The following GLYCTK variants were observed in gnomAD, a reference collection of about 807,000 sequenced individuals.
GLYCTK encodes the protein HBeAg binding protein 4.
A neutral mutation model predicts 24.8 loss-of-function variants in GLYCTK; 22 were observed. The ratio of observed to expected loss-of-function variants is 0.89; its 90% CI spans 0.63 to 1.27. The LOEUF (loss-of-function observed/expected upper bound fraction) is 1.27, where lower values mean the gene tolerates loss of function less well. GLYCTK is among the 50% of genes most tolerant of loss of function. The probability of loss-of-function intolerance (pLI) is 0.00; values close to 1 mark genes in which losing one functional copy is unlikely to be tolerated. For missense variants in GLYCTK, 684 were observed against 686.7 expected (o/e 1.00, Z 0.04); for synonymous variants, 320 against 297.2 (o/e 1.08, Z -0.79).
At position 52,293,305 on chromosome 3, in the gene GLYCTK, A is replaced by G; in HGVS notation, c.*179A>G. 3 of 738,758 alleles carry G rather than the reference A, an allele frequency of 4.1e-6. No homozygotes were observed. Among genetic ancestry groups the G allele is most frequent in the Non-Finnish European group, 7.2e-6 (3 of 419,190 alleles). 45.8% of individuals were successfully genotyped at this position (738,758 alleles called of 1,614,324 possible). A position where few individuals can be genotyped will look rare whatever the true frequency, so the allele number is the denominator to read the frequency against. ...CTCTGCTCTATATCTATTCCCTTCCAGCCAGACTGGCAGATGGGGGCTTCC... is the reference window on the plus strand; with the variant it reads ...CTCTGCTCTATATCTATTCCCTTCCGGCCAGACTGGCAGATGGGGGCTTCC... On this transcript the variant is annotated 3_prime_UTR_variant, in exon 5 of 5. Transcript: ENST00000436784.
At position 52,293,289 on chromosome 3, in the gene GLYCTK, A is replaced by C; in HGVS notation, c.*163A>C. 1.3e-6 allele frequency: 1 copy of C among 758,102 alleles called. No individual in the cohort carries two copies. The highest frequency in any genetic ancestry group is 2.3e-6 in the Non-Finnish European group (1 of 436,534). The allele number at this position is 758,102 out of a possible 1,614,324, so 47.0% of individuals were successfully genotyped here. A position where few individuals can be genotyped will look rare whatever the true frequency, so the allele number is the denominator to read the frequency against. ...ACCTTCCACTCAGGGCCTCTGCTCT[A>C]TATCTATTCCCTTCCAGCCAGACTG... On this transcript the variant is annotated 3_prime_UTR_variant, in exon 5 of 5. Coordinates refer to ENST00000436784, the MANE Select transcript of GLYCTK (RefSeq NM_145262.4).
Position 52,293,751 on chromosome 3 carries a change from C to G in GLYCTK, c.*625C>G, listed in dbSNP as rs554620810. ...GACTGCAGTCTGGGGTGACCAGCCA[C>G]CCACCCACCCAACCATGACTCCACC... On this transcript the variant is annotated 3_prime_UTR_variant, in exon 5 of 5. Coordinates refer to ENST00000436784, the MANE Select transcript of GLYCTK (RefSeq NM_145262.4). 1 of 453,408 alleles carries G rather than the reference C, an allele frequency of 2.2e-6. No homozygotes were observed. Among genetic ancestry groups the G allele is most frequent in the Non-Finnish European group, 4.4e-6 (1 of 226,412 alleles). The allele number at this position is 453,408 out of a possible 1,614,324, so 28.1% of individuals were successfully genotyped here. A position where few individuals can be genotyped will look rare whatever the true frequency, so the allele number is the denominator to read the frequency against.
At position 52,294,706 on chromosome 3, in the gene GLYCTK, A is replaced by G. The variant is rs745643385; in HGVS notation, c.*1580A>G. 8 of 442,886 alleles carry G rather than the reference A, an allele frequency of 1.8e-5. No individual in the cohort carries two copies. Among genetic ancestry groups the G allele is most frequent in the Middle Eastern group, 7.0e-4 (1 of 1,434 alleles). 27.4% of individuals were successfully genotyped at this position (442,886 alleles called of 1,614,324 possible). A position where few individuals can be genotyped will look rare whatever the true frequency, so the allele number is the denominator to read the frequency against. On this transcript the variant is annotated 3_prime_UTR_variant, in exon 5 of 5. Coordinates refer to ENST00000436784, the MANE Select transcript of GLYCTK (RefSeq NM_145262.4). Reference sequence around the variant, plus strand: ...GTGGTGCTCCTCTGGCAGCGTCTACATGTAGCCTGTTCCTGCCTCAGTCCT... The same window carrying G: ...GTGGTGCTCCTCTGGCAGCGTCTACGTGTAGCCTGTTCCTGCCTCAGTCCT...
Position 52,293,695 on chromosome 3 carries a change from G to C in GLYCTK, c.*569G>C, listed in dbSNP as rs1337486827. On this transcript the variant is annotated 3_prime_UTR_variant, in exon 5 of 5. Transcript: ENST00000436784. ...GGCTCCTGACAGCTTTGATGTGCGT[G>C]AGCAGAGACCCCAGGGAGGACAGGC... 2.2e-6 allele frequency: 1 copy of C among 454,064 alleles called. No homozygotes were observed. Among genetic ancestry groups the C allele is most frequent in the African/African-American group, 2.0e-5 (1 of 50,002 alleles). 28.1% of individuals were successfully genotyped at this position (454,064 alleles called of 1,614,324 possible).
rs983391369 is a variant in GLYCTK, at chr3:52,292,602, C to T, written c.1048C>T (p.Leu350=). The T allele has an allele frequency of 1.9e-6, 3 of 1,613,442 alleles. No homozygotes were observed. The African/African-American group carries it at 4.0e-5, about 22-fold the overall frequency. Residue 350 remains leucine, a synonymous_variant, in exon 5 of 5, where the codon CTG becomes TTG. Transcript: ENST00000436784. ...AAAAAGTATGGCCCAGTTCTACGGG[C>T]TGCTGGCCCATGTGGCTAGAACCCG... ...DVKSMAQFYG[L]LAHVARTRLT...
chr3:52,290,530 C>T lies in GLYCTK; in HGVS notation c.188C>T (p.Pro63Leu). ...PMLHRALSLD[P>L]GGRQLKVRDR... ...CTGCACCGGGCACTATCCTTGGACCCTGGTGGCAGACAGCTGAAGGTGCGG... is the reference window on the plus strand; with the variant it reads ...CTGCACCGGGCACTATCCTTGGACCTTGGTGGCAGACAGCTGAAGGTGCGG... The change falls in exon 2 of 5, where the codon CCT becomes CTT. Residue 63 changes from proline (P) to leucine (L), a missense_variant. Transcript: ENST00000436784. 2 of 1,613,622 alleles carry T rather than the reference C, an allele frequency of 1.2e-6. No individual in the cohort carries two copies. The highest frequency in any genetic ancestry group is 2.7e-5 in the African/African-American group (2 of 75,062).
At position 52,292,506 on chromosome 3, in the gene GLYCTK, G is replaced by T; in HGVS notation, c.952G>T (p.Glu318Ter). The T allele has an allele frequency of 1.2e-6, 2 of 1,613,754 alleles. No individual in the cohort carries two copies. Among genetic ancestry groups the T allele is most frequent in the Non-Finnish European group, 1.7e-6 (2 of 1,179,986 alleles). ...IIGSNVLALA[E>*]AQRQAEALGY... The stretch of plus-strand genomic sequence containing the variant: ...TGGCTCTAATGTGCTGGCGCTAGCT[G>T]AGGCCCAGCGGCAGGCCGAGGCACT... Residue 318 changes from glutamate (E) to a stop codon, truncating the protein, a stop_gained, in exon 5 of 5, where the codon GAG (glutamate) becomes TAG (stop). Coordinates refer to ENST00000436784, the MANE Select transcript of GLYCTK (RefSeq NM_145262.4). LOFTEE classifies it low-confidence loss of function (END_TRUNC).
intron 1 of GLYCTK, 122 bp from the exon 2 acceptor site, chr3:52,290,182 G>T: frequency 1.3e-6 from 1 of 782,564 alleles, no homozygotes; most frequent in Non-Finnish European, 2.0e-6. Flanking sequence ...GGGGCTATCA[G>T]ATGGCTCCTT....
In GLYCTK at chr3:52,291,908, G is replaced by C. The variant is rs777680814; in HGVS notation, c.691G>C (p.Ala231Pro). 1 of 1,612,668 alleles carries C rather than the reference G, an allele frequency of 6.2e-7. No homozygotes were observed. Among genetic ancestry groups the C allele is most frequent in the Admixed American group, 1.7e-5 (1 of 59,962 alleles). The change falls in exon 4 of 5, where the codon GCC becomes CCC. Residue 231 changes from alanine (A) to proline (P), a missense_variant. Coordinates refer to ENST00000436784, the MANE Select transcript of GLYCTK (RefSeq NM_145262.4). ...CAAGGGTGGGGGGCTGGCTCAGGCC[G>C]CCTACCCTGCCCAGGTATGAGTCCC... ...QLKGGGLAQAAYPAQVVSLIL... is the reference protein window; with the variant it reads ...QLKGGGLAQAPYPAQVVSLIL...
chr3:52,287,890 G>A lies in GLYCTK; in HGVS notation c.-40+14G>A, dbSNP rs1038308967. 1 of 448,868 alleles carries A rather than the reference G, an allele frequency of 2.2e-6. No individual in the cohort carries two copies. The highest frequency in any genetic ancestry group is 4.5e-6 in the Non-Finnish European group (1 of 223,516). 27.8% of individuals were successfully genotyped at this position (448,868 alleles called of 1,614,324 possible). A position where few individuals can be genotyped will look rare whatever the true frequency, so the allele number is the denominator to read the frequency against. On this transcript the variant is annotated intron_variant, in intron 1 of 4. Transcript: ENST00000436784. ...AGCTGTGGGCTGGTAAGTCTGCGCC[G>A]CCAGGGCTCGCATGGCCTTCAGAAG...
chr3:52,291,192 G>A, intron 3 of GLYCTK, 81 bp downstream of exon 3: 1 of 1,539,182 alleles, frequency 6.5e-7, no homozygotes, highest in South Asian at 1.1e-5. Flanking sequence ...TCAGGTCTGA[G>A]CCCCCGGGGT....
At position 52,292,343 on chromosome 3, in the gene GLYCTK, T is replaced by C. The variant is rs1283657497; in HGVS notation, c.789T>C (p.Asn263=). The change falls in exon 5 of 5, where the codon AAT becomes AAC. Residue 263 remains asparagine (N), a synonymous_variant. Transcript: ENST00000436784. ...GCCCCACCGTGGCCAGTTCCCACAATGTGCAAGATTGCCTGCATATCCTCA... is the reference window on the plus strand; with the variant it reads ...GCCCCACCGTGGCCAGTTCCCACAACGTGCAAGATTGCCTGCATATCCTCA... ...ASGPTVASSH[N]VQDCLHILNR... 10 of 1,613,880 alleles carry C rather than the reference T, an allele frequency of 6.2e-6. No homozygotes were observed. The highest frequency in any genetic ancestry group is 1.6e-4 in the Middle Eastern group (1 of 6,080).
chr3:52,294,983 A>G lies in GLYCTK; in HGVS notation c.*1857A>G, dbSNP rs1578035782. Reference sequence around the variant, plus strand: ...TGCATCCCTGCTGAGGGCTTTGGGTATGGATAGGATCTTGCAGGAGGTTCC... The same window carrying G: ...TGCATCCCTGCTGAGGGCTTTGGGTGTGGATAGGATCTTGCAGGAGGTTCC... On this transcript the variant is annotated 3_prime_UTR_variant, in exon 5 of 5. Coordinates refer to ENST00000436784, the MANE Select transcript of GLYCTK (RefSeq NM_145262.4). 2.2e-6 allele frequency: 1 copy of G among 453,938 alleles called. No homozygotes were observed. The highest frequency in any genetic ancestry group is 4.4e-6 in the Non-Finnish European group (1 of 226,776). 28.1% of individuals were successfully genotyped at this position (453,938 alleles called of 1,614,324 possible).
rs753960442 is a variant in GLYCTK, at chr3:52,290,370, C to T, written c.28C>T (p.Arg10Cys). The change falls in exon 2 of 5, where the codon CGC becomes TGC. Residue 10 changes from arginine (R) to cysteine (C), a missense_variant. Physicochemically the swap from Arg to Cys is radical, Grantham distance 180. Coordinates refer to ENST00000436784, the MANE Select transcript of GLYCTK (RefSeq NM_145262.4). MAAALQVLP[R>C]LARAPLHPLL... ...GGCTGCAGCCCTGCAGGTCCTGCCC[C>T]GCTTGGCCCGAGCCCCCTTGCATCC... is the stretch of plus-strand genomic sequence containing the variant. 17 of 1,600,700 alleles carry T rather than the reference C, an allele frequency of 1.1e-5. No homozygotes were observed. Among genetic ancestry groups the T allele is most frequent in the South Asian group, 3.3e-5 (3 of 90,936 alleles).
At position 52,293,618 on chromosome 3, in the gene GLYCTK, C is replaced by T. The variant is rs528826750; in HGVS notation, c.*492C>T. 7.5e-4 allele frequency: 341 copies of T among 454,948 alleles called. 1 individual carries two copies. The highest frequency in any genetic ancestry group is 1.2e-3 in the Non-Finnish European group (273 of 227,426). 28.2% of individuals were successfully genotyped at this position (454,948 alleles called of 1,614,324 possible). The stretch of plus-strand genomic sequence containing the variant: ...GGCTGGGTACGTGCAGGATGTGCCT[C>T]GCATAACGGGAGCCTGTGCCCATCC... On this transcript the variant is annotated 3_prime_UTR_variant, in exon 5 of 5. Transcript: ENST00000436784.
At chr3:52,291,208 G>C (rs1700459159) in intron 3 of GLYCTK, 97 bp downstream of exon 3, 1 of 1,462,454 alleles carries the variant, frequency 6.8e-7, no homozygotes, top group East Asian at 2.4e-5. Context: ...GGGGTCACAG[G>C]GTAAAGTTAG....
chr3:52,287,867 C>G lies in GLYCTK; in HGVS notation c.-49C>G, dbSNP rs993852683. 2.2e-6 allele frequency: 1 copy of G among 452,010 alleles called. No individual in the cohort carries two copies. The highest frequency in any genetic ancestry group is 4.4e-6 in the Non-Finnish European group (1 of 225,552). The allele number at this position is 452,010 out of a possible 1,614,324, so 28.0% of individuals were successfully genotyped here. A position where few individuals can be genotyped will look rare whatever the true frequency, so the allele number is the denominator to read the frequency against. On this transcript the variant is annotated 5_prime_UTR_variant, in exon 1 of 5. Coordinates refer to ENST00000436784, the MANE Select transcript of GLYCTK (RefSeq NM_145262.4). ...CCAGCGCTGGGCACCGCGGCCGGAG[C>G]TGTGGGCTGGTAAGTCTGCGCCGCC...
intron 2 of GLYCTK, 106 bp downstream of exon 2, chr3:52,290,825 CTGG>C: frequency 6.3e-7 from 1 of 1,583,404 alleles, no homozygotes; most frequent in South Asian, 1.1e-5. Flanking sequence ...CCCATTTCTC[CTGG>C]ATCTGGCCTG....
chr3:52,291,484 G>A, intron 3 of GLYCTK: 1 of 583,948 alleles, frequency 1.7e-6, no homozygotes, highest in South Asian at 2.1e-5. Flanking sequence ...CTTCCATTGT[G>A]TGCCCCCTGC....
Sources: allele counts gnomAD v4.1 joint callset, GRCh38; gene constraint gnomAD v4.1.1; transcripts MANE v1.5; gene names NCBI Gene and HGNC (gene_info 2026-07-23, HGNC 2026-07-21).